ITGB5: variants seen among roughly 807,000 people sequenced by gnomAD.
ITGB5 encodes integrin beta-5.
In ITGB5, 38 loss-of-function variants were observed where a neutral mutation model predicts 84.8. The observed-to-expected ratio is 0.45, with a 90% confidence interval of 0.35 to 0.59. The LOEUF is 0.59. ITGB5 is among the 20% of genes least tolerant of loss of function. ITGB5 has a pLI of 0.01. For missense variants in ITGB5, 905 were observed against 1,034.5 expected, an observed-to-expected ratio of 0.87 and a Z score of 1.72; for synonymous variants, 393 against 414.4, an observed-to-expected ratio of 0.95 and a Z score of 0.63.
intron 11 of ITGB5, among the ~76,000 whole-genome samples, chr3:124,771,773 C>T (rs991158470): frequency 7.6e-6 from 1 of 130,928 alleles, no homozygotes; most frequent in Non-Finnish European, 1.6e-5. Context: ...AAAAAGGAAT[C>T]GTGATATTCC....
At chr3:124,887,627 G>A (rs61760563), upstream of ITGB5, 5,902 of 435,930 alleles carry the variant, frequency 0.014, 293 homozygotes, top group African/African-American at 0.11. Flanking sequence ...CGAAACCACT[G>A]AGTAGAGCCC....
chr3:124,893,715 AG>A (rs759950178), intron 1 of ITGB5, among the ~76,000 whole-genome samples: 112 of 152,290 alleles, frequency 7.4e-4, no homozygotes, highest in Admixed American at 1.8e-3. Flanking sequence ...AGTAGATCTC[AG>A]TAATTTTTGT....
intron 10 of ITGB5, among the ~76,000 whole-genome samples, chr3:124,796,006 T>C (rs909612204): frequency 2.6e-5 from 4 of 152,192 alleles, no homozygotes; most frequent in African/African-American, 4.8e-5. Context: ...TATGAGTTCA[T>C]TGGCTAAGGG....
rs775192376 is a variant in ITGB5, at chr3:124,848,312, A to G, written c.608T>C (p.Ile203Thr). ...AGAAGGGCAACTGGTCACTTACCCA[A>G]TGCACGGATTGGTCTGGTACCTCGG... ...TAPRYQTNPC[I>T]GYKLFPNCVP... The change falls in exon 4 of 15, where the codon ATT becomes ACT. Residue 203 changes from isoleucine to threonine, a missense_variant. Coordinates refer to ENST00000296181, the MANE Select transcript of ITGB5 (RefSeq NM_002213.5). The G allele has an allele frequency of 4.8e-5, 78 of 1,614,050 alleles. No individual in the cohort carries two copies. The East Asian group carries it at 1.2e-3, about 25-fold the overall frequency.
At chr3:124,863,922 A>C (rs1315386767) in intron 2 of ITGB5, among the ~76,000 whole-genome samples, 1 of 151,726 alleles carries the variant, frequency 6.6e-6, no homozygotes, top group African/African-American at 2.4e-5. Flanking sequence ...CAGGTATACA[A>C]ACATTATAAA....
At chr3:124,833,779 C>T (rs1050988240) in intron 5 of ITGB5, among the ~76,000 whole-genome samples, 1 of 152,168 alleles carries the variant, frequency 6.6e-6, no homozygotes, top group African/African-American at 2.4e-5. Context: ...GTTATGTGCC[C>T]AGCAGTGTCT....
At chr3:124,894,150 T>TTTTTTTTTTC (rs1935054359) in intron 1 of ITGB5, among the ~76,000 whole-genome samples, 1 of 144,756 alleles carries the variant, frequency 6.9e-6, no homozygotes, top group East Asian at 2.0e-4. Flanking sequence ...TTTTTTTTTT[T>TTTTTTTTTTC]TTGAGACAGA....
chr3:124,809,112 C>T lies in ITGB5; in HGVS notation c.1173G>A (p.Glu391=), dbSNP rs754606165. The T allele has an allele frequency of 6.2e-7, 1 of 1,613,984 alleles. No individual in the cohort carries two copies. Among genetic ancestry groups the T allele is most frequent in the Non-Finnish European group, 8.5e-7 (1 of 1,179,896 alleles). ...KVELSVWDQP[E]DLNLFFTATC... ...TAGCAGTAAAGAAGAGATTAAGATC[C>T]TCAGGCTGATCCCAGACTGACAACT... The change falls in exon 9 of 15, where the codon GAG becomes GAA. Residue 391 remains glutamate (E), a synonymous_variant. Coordinates refer to ENST00000296181, the MANE Select transcript of ITGB5 (RefSeq NM_002213.5).
intron 10 of ITGB5, 24 bp downstream of exon 10, chr3:124,796,364 A>C: frequency 6.3e-7 from 1 of 1,581,228 alleles, no homozygotes; most frequent in Non-Finnish European, 8.6e-7. Flanking sequence ...GCTCAGAGCT[A>C]AAGTGCTTGC....
At chr3:124,865,474 CTTTTTTCT>C (rs1178083811) in intron 2 of ITGB5, among the ~76,000 whole-genome samples, 39 of 57,894 alleles carry the variant, frequency 6.7e-4, no homozygotes, top group African/African-American at 8.4e-4. Flanking sequence ...TCCTTTGCGG[CTTTTTTCT>C]TTTTTTTTTT....
intron 10 of ITGB5, 51 bp downstream of exon 10, chr3:124,796,337 A>C: frequency 6.6e-7 from 1 of 1,505,788 alleles, no homozygotes; most frequent in South Asian, 1.2e-5. Context: ...AGGGTGTCCT[A>C]ACGGCATCTT....
upstream of ITGB5, chr3:124,887,608 T>G: frequency 2.5e-6 from 1 of 394,572 alleles, no homozygotes; most frequent in South Asian, 1.8e-5. Flanking sequence ...ACTTGGGGCG[T>G]GGGGGGCTCG....
intron 3 of ITGB5, among the ~76,000 whole-genome samples, chr3:124,853,175 A>C (rs1341218971): frequency 6.6e-6 from 1 of 152,190 alleles, no homozygotes; most frequent in Non-Finnish European, 1.5e-5. Flanking sequence ...TAGAAGTACT[A>C]TTCTGTGCTG....
chr3:124,821,454 C>T lies in ITGB5; in HGVS notation c.801G>A (p.Lys267=). 1 of 1,614,232 alleles carries T rather than the reference C, an allele frequency of 6.2e-7. No individual in the cohort carries two copies. The highest frequency in any genetic ancestry group is 8.5e-7 in the Non-Finnish European group (1 of 1,180,034). The stretch of plus-strand genomic sequence containing the variant: ...TGAACACCAGCAAATGCAGTGCATC[C>T]TTTCGCCAGCCAATCTTCTCCTGAA... The part of the protein sequence containing the change: ...AVCKEKIGWR[K]DALHLLVFTT... Residue 267 remains lysine, a synonymous_variant, in exon 6 of 15, where the codon AAG becomes AAA. Coordinates refer to ENST00000296181, the MANE Select transcript of ITGB5 (RefSeq NM_002213.5).
rs138898575 is a variant in ITGB5, at chr3:124,779,365, C to T, written c.1694-5453G>A. ...GGAAGGCAATGAGCCAAAGGCAGTA[C>T]TGGGGGGCGAGAAACGTGTGACCTG... is the stretch of plus-strand genomic sequence containing the variant. On this transcript the variant is annotated intron_variant, in intron 10 of 14. Transcript: ENST00000296181. Among the ~76,000 whole-genome samples the T allele has an allele frequency of 2.4e-3, 365 of 151,914 alleles. 5 individuals are homozygous for T. Among genetic ancestry groups the T allele is most frequent in the African/African-American group, 8.4e-3 (348 of 41,468 alleles).
At chr3:124,797,093 G>C (rs1462761831) in intron 9 of ITGB5, among the ~76,000 whole-genome samples, 1 of 151,908 alleles carries the variant, frequency 6.6e-6, no homozygotes, top group South Asian at 2.1e-4. Context: ...GAGGAAATGG[G>C]CCCCTGCGGA....
At chr3:124,808,343 T>C (rs1396633096) in intron 9 of ITGB5, among the ~76,000 whole-genome samples, 1 of 152,218 alleles carries the variant, frequency 6.6e-6, no homozygotes, top group Non-Finnish European at 1.5e-5. Context: ...CATGATCTGC[T>C]TCTAGCAGCA....
chr3:124,899,308 G>T (rs190214952), intron 1 of ITGB5, among the ~76,000 whole-genome samples: 1 of 152,038 alleles, frequency 6.6e-6, no homozygotes, highest in Non-Finnish European at 1.5e-5. Context: ...ACATAGCAAA[G>T]AAATAAAACA....
chr3:124,894,136 T>TTTTTTTTC (rs1179004099), intron 1 of ITGB5, among the ~76,000 whole-genome samples: 4 of 122,874 alleles, frequency 3.3e-5, no homozygotes, highest in African/African-American at 1.3e-4. Flanking sequence ...ATATTTTTCT[T>TTTTTTTTC]TTTTTTTTTT....
Sources: gnomAD v4.1 joint callset for allele counts (sites outside exome capture counted in the v4.1 genomes callset) on GRCh38, gnomAD v4.1.1 for gene constraint, MANE v1.5 for transcripts, NCBI Gene and HGNC (gene_info 2026-07-23, HGNC 2026-07-21) for gene names.